Variants in CABCOCO1 observed in about 807,000 individuals in gnomAD.
CABCOCO1 encodes the protein ciliary-associated calcium-binding coiled-coil protein 1.
A neutral mutation model predicts 35.7 loss-of-function variants in CABCOCO1; 28 were observed. The ratio of observed to expected loss-of-function variants is 0.78; its 90% CI spans 0.58 to 1.07. The LOEUF (loss-of-function observed/expected upper bound fraction) is 1.07. Among genes scored for constraint, CABCOCO1 ranks in the 50% least tolerant of loss-of-function variants. CABCOCO1 has a pLI of 0.00. For missense variants in CABCOCO1, 326 were observed against 309.2 expected (o/e 1.05, Z -0.41); for synonymous variants, 95 against 100.1 (o/e 0.95, Z 0.30).
At chr10:61,726,095 A>C (rs1841142108) in intron 5 of CABCOCO1, among the ~76,000 whole-genome samples, 1 of 152,182 alleles carries the variant, frequency 6.6e-6, no homozygotes, top group Non-Finnish European at 1.5e-5. Context: ...AAATCTATCA[A>C]AATTTTAGGC....
At chr10:61,713,180 G>C (rs915398025) in intron 5 of CABCOCO1, among the ~76,000 whole-genome samples, 1 of 151,840 alleles carries the variant, frequency 6.6e-6, no homozygotes, top group African/African-American at 2.4e-5. Flanking sequence ...CTTTTATTTT[G>C]TTGAGCAGTG....
rs575553374 is a variant in CABCOCO1 at position 61,693,839 on chromosome 10, T to C, written c.552+3218T>C. 5.3e-5 allele frequency among the ~76,000 whole-genome samples: 8 copies of C among 151,730 alleles called. No homozygotes were observed. In the South Asian group the frequency reaches 1.7e-3, roughly 32 times the overall value. On this transcript the variant is annotated intron_variant, in intron 5 of 7. Transcript: ENST00000648843. The stretch of plus-strand genomic sequence containing the variant: ...AGGAGATTCTATAGGGCAGAAGACA[T>C]GGAATATTCAAGAAATAAATTGCAA...
At chr10:61,725,060 G>C (rs1382718402) in intron 5 of CABCOCO1, among the ~76,000 whole-genome samples, 1 of 152,098 alleles carries the variant, frequency 6.6e-6, no homozygotes, top group Non-Finnish European at 1.5e-5. Flanking sequence ...TTTTACTGTT[G>C]TAGTGTTTTC....
At position 61,739,746 on chromosome 10, in the gene CABCOCO1, T is replaced by C. The variant is rs146114421; in HGVS notation, c.553-20313T>C. ...GCACGAGGTCAGGAGATCGAGACCA[T>C]CCTTGCTAACACAGTGAAACCCTGT... On this transcript the variant is annotated intron_variant, in intron 5 of 7. Coordinates refer to ENST00000648843, the MANE Select transcript of CABCOCO1 (RefSeq NM_001366906.2). Among the ~76,000 whole-genome samples, 3 of 152,070 alleles carry C rather than the reference T, an allele frequency of 2.0e-5. No individual in the cohort carries two copies. In the East Asian group the frequency reaches 5.8e-4, roughly 29 times the overall value.
Position 61,681,134 on chromosome 10 carries a change from A to G in CABCOCO1, c.165-9A>G. The G allele has an allele frequency of 7.1e-7, 1 of 1,413,486 alleles. No individual in the cohort carries two copies. Among genetic ancestry groups the G allele is most frequent in the Non-Finnish European group, 9.4e-7 (1 of 1,058,552 alleles). 87.6% of individuals were successfully genotyped at this position (1,413,486 alleles called of 1,614,324 possible). On this transcript the variant is annotated splice_polypyrimidine_tract_variant and intron_variant, in intron 2 of 7. Transcript: ENST00000648843. Reference sequence around the variant, plus strand: ...GAATTAATATGTGGATTTTTGTTTTATTTTACAGAAAACTGAGAATATTTT... The same window carrying G: ...GAATTAATATGTGGATTTTTGTTTTGTTTTACAGAAAACTGAGAATATTTT...
intron 2 of CABCOCO1, 116 bp downstream of exon 2, chr10:61,672,851 C>G: frequency 1.5e-6 from 1 of 685,790 alleles, no homozygotes; most frequent in Non-Finnish European, 1.8e-6. Context: ...ATATTATGCA[C>G]TGAAAAATAT....
intron 5 of CABCOCO1, among the ~76,000 whole-genome samples, chr10:61,749,878 T>C (rs1346578849): frequency 6.6e-6 from 1 of 152,142 alleles, no homozygotes; most frequent in Non-Finnish European, 1.5e-5. Context: ...TTCCTCCCAA[T>C]GCAGTATGAT....
intron 5 of CABCOCO1, among the ~76,000 whole-genome samples, chr10:61,731,869 T>G (rs1401990570): frequency 6.6e-6 from 1 of 151,940 alleles, no homozygotes; most frequent in Non-Finnish European, 1.5e-5. Flanking sequence ...AGAAATTGCT[T>G]CACCCTTAAT....
At chr10:61,734,405 G>A (rs1445615092) in intron 5 of CABCOCO1, among the ~76,000 whole-genome samples, 2 of 151,984 alleles carry the variant, frequency 1.3e-5, no homozygotes, top group African/African-American at 2.4e-5. Context: ...TGCCAGGGAT[G>A]CCTGTTAACT....
At chr10:61,701,976 C>G (rs1479825768) in intron 5 of CABCOCO1, 1 of 241,510 alleles carries the variant, frequency 4.1e-6, no homozygotes, top group East Asian at 1.8e-4. Flanking sequence ...CAATCACTTT[C>G]TAAATATAGA....
intron 5 of CABCOCO1, among the ~76,000 whole-genome samples, chr10:61,742,968 G>T (rs1359706785): frequency 6.6e-6 from 1 of 152,176 alleles, no homozygotes; most frequent in Non-Finnish European, 1.5e-5. Context: ...TTTAACCTCT[G>T]CTTTCTTAAT....
At chr10:61,674,148 T>C (rs1839440331) in intron 2 of CABCOCO1, among the ~76,000 whole-genome samples, 1 of 152,224 alleles carries the variant, frequency 6.6e-6, no homozygotes, top group African/African-American at 2.4e-5. Context: ...CAGAATTATT[T>C]CTTCCCACGT....
intron 5 of CABCOCO1, among the ~76,000 whole-genome samples, chr10:61,705,591 A>G (rs553901988): frequency 6.6e-6 from 1 of 152,328 alleles, no homozygotes; most frequent in African/African-American, 2.4e-5. Context: ...CAAACCAAGT[A>G]CTATAAAGGA....
chr10:61,694,831 T>G (rs568769200), intron 5 of CABCOCO1, among the ~76,000 whole-genome samples: 9 of 152,100 alleles, frequency 5.9e-5, no homozygotes, highest in Middle Eastern at 6.8e-3. Flanking sequence ...ATATAGCAAA[T>G]TTTGCAGGTA....
At chr10:61,682,085 G>T (rs1405126801) in intron 3 of CABCOCO1, among the ~76,000 whole-genome samples, 1 of 152,134 alleles carries the variant, frequency 6.6e-6, no homozygotes, top group Non-Finnish European at 1.5e-5. Flanking sequence ...ACTAGAAATA[G>T]AATAAAGGAA....
rs1255904748 is a variant in CABCOCO1, at chr10:61,680,666, TATAACA to T, written c.165-476_165-471del. The stretch of plus-strand genomic sequence containing the variant: ...TATAATATATATTATGTTATACATG[TATAACA>T]TATATGTTATACATGTATAACATAT... On this transcript the variant is annotated intron_variant, in intron 2 of 7. Coordinates refer to ENST00000648843, the MANE Select transcript of CABCOCO1 (RefSeq NM_001366906.2). Among the ~76,000 whole-genome samples, 202 of 68,172 alleles carry T rather than the reference TATAACA, an allele frequency of 3.0e-3. 26 individuals carry two copies. Among genetic ancestry groups the T allele is most frequent in the African/African-American group, 8.4e-3 (189 of 22,506 alleles). The allele number at this position is 68,172 out of a possible 152,430, so 44.7% of individuals were successfully genotyped here.
intron 3 of CABCOCO1, chr10:61,685,435 CT>C (rs1839926122): frequency 6.6e-6 from 1 of 152,130 alleles, no homozygotes; most frequent in Non-Finnish European, 1.5e-5. Flanking sequence ...AAAACAAATG[CT>C]TTTCATTTTA....
Position 61,721,036 on chromosome 10 carries a change from C to T in CABCOCO1, c.552+30415C>T, listed in dbSNP as rs558566375. On this transcript the variant is annotated intron_variant, in intron 5 of 7. Coordinates refer to ENST00000648843, the MANE Select transcript of CABCOCO1 (RefSeq NM_001366906.2). The stretch of plus-strand genomic sequence containing the variant: ...GCCTCCCGGGTTCACGCCATTCTCC[C>T]GCCTCAGCCTCCTGAGTAGCTGGGA... Among the ~76,000 whole-genome samples, 15 of 147,450 alleles carry T rather than the reference C, an allele frequency of 1.0e-4. No individual in the cohort carries two copies. The East Asian group carries it at 2.0e-3, about 20-fold the overall frequency.
intron 5 of CABCOCO1, among the ~76,000 whole-genome samples, chr10:61,731,122 T>C (rs1841292405): frequency 6.7e-6 from 1 of 150,318 alleles, no homozygotes; most frequent in African/African-American, 2.4e-5. Context: ...TGTTTTCTGG[T>C]TATGTAGGAG....
Sources: allele counts gnomAD v4.1 joint callset (sites outside exome capture counted in the v4.1 genomes callset), GRCh38; gene constraint gnomAD v4.1.1; transcripts MANE v1.5; gene names NCBI Gene and HGNC (gene_info 2026-07-23, HGNC 2026-07-21).